The following POU6F2 variants were observed in gnomAD, a reference collection of about 807,000 sequenced individuals.
The protein encoded by POU6F2 is POU class 6 homeobox 2.
POU6F2 carries 31 observed loss-of-function variants against 71.3 expected under a neutral mutation model. The observed-to-expected ratio is 0.43, with a 90% CI of 0.33 to 0.59. The LOEUF (loss-of-function observed/expected upper bound fraction) is 0.59, where lower values mean the gene tolerates loss of function less well. Ranked by LOEUF, POU6F2 falls within the 20% of genes least tolerant of loss-of-function variation. POU6F2 has a pLI of 0.04. For synonymous variants in POU6F2, 347 were observed against 355.7 expected, an observed-to-expected ratio of 0.98 and a Z score of 0.27; for missense variants, 783 against 856.8, an observed-to-expected ratio of 0.91 and a Z score of 1.07.
chr7:39,405,851 C>T (rs1787414418), intron 5 of POU6F2, among the ~76,000 whole-genome samples: 1 of 152,156 alleles, frequency 6.6e-6, no homozygotes, highest in South Asian at 2.1e-4. Context: ...CTCTTTCTTC[C>T]TCCCTGTTTC....
chr7:39,041,518 A>G (rs1346937775), intron 1 of POU6F2, among the ~76,000 whole-genome samples: 2 of 151,932 alleles, frequency 1.3e-5, no homozygotes, highest in East Asian at 3.9e-4. Context: ...TTCTAATTTT[A>G]TAGGCAAAAT....
intron 2 of POU6F2, among the ~76,000 whole-genome samples, chr7:39,136,097 G>C (rs1264635545): frequency 6.6e-6 from 1 of 152,122 alleles, no homozygotes; most frequent in African/African-American, 2.4e-5. Context: ...AAGAATATTT[G>C]ACTAAATGGA....
chr7:39,450,329 CTG>C (rs1454827168), intron 7 of POU6F2, among the ~76,000 whole-genome samples: 1 of 152,144 alleles, frequency 6.6e-6, no homozygotes, highest in African/African-American at 2.4e-5. Context: ...TGCTACACCT[CTG>C]TGAGAATGAC....
intron 4 of POU6F2, among the ~76,000 whole-genome samples, chr7:39,271,327 A>G (rs1183833015): frequency 6.6e-6 from 1 of 152,100 alleles, no homozygotes. Context: ...AGCAACAGGG[A>G]CCAGATAACT....
chr7:39,373,590 C>A, intron 5 of POU6F2: 1 of 455,174 alleles, frequency 2.2e-6, no homozygotes, highest in East Asian at 7.0e-5. Context: ...GAACTGCCTA[C>A]CTAGTCTAGC....
At chr7:39,205,655 G>T (rs1562746039) in intron 3 of POU6F2, among the ~76,000 whole-genome samples, 2 of 152,138 alleles carry the variant, frequency 1.3e-5, no homozygotes, top group Non-Finnish European at 2.9e-5. Flanking sequence ...TATTTATTTT[G>T]CTCATTAGAA....
intron 5 of POU6F2, among the ~76,000 whole-genome samples, chr7:39,343,774 G>T (rs992851846): frequency 6.6e-6 from 1 of 152,246 alleles, no homozygotes; most frequent in South Asian, 2.1e-4. Flanking sequence ...TCCCTCATCC[G>T]TGTGGTCTGA....
rs546545347 is a variant in POU6F2 at position 39,310,403 on chromosome 7, G to A, written c.599-29239G>A. On this transcript the variant is annotated intron_variant, in intron 4 of 9. Transcript: ENST00000518318. ...ATATCTGTTTAAGTTTTCATTTTAC[G>A]AGACTCAGGAACACAAAGGAGATTG... Among the ~76,000 whole-genome samples, 126 of 152,192 alleles carry A rather than the reference G, an allele frequency of 8.3e-4. 1 individual carries two copies. The highest frequency in any genetic ancestry group is 1.6e-3 in the Non-Finnish European group (107 of 68,016).
chr7:39,249,071 A>G (rs1562762589), intron 4 of POU6F2, among the ~76,000 whole-genome samples: 1 of 152,182 alleles, frequency 6.6e-6, no homozygotes. Context: ...GCAGGTCTCC[A>G]TATTCCACCC....
At chr7:39,042,468 G>A (rs1191126441) in intron 1 of POU6F2, among the ~76,000 whole-genome samples, 1 of 152,012 alleles carries the variant, frequency 6.6e-6, no homozygotes, top group Non-Finnish European at 1.5e-5. Context: ...GATGTGCTGA[G>A]ATCCATGCCT....
chr7:39,169,334 A>G (rs1793170739), intron 2 of POU6F2, among the ~76,000 whole-genome samples: 1 of 152,174 alleles, frequency 6.6e-6, no homozygotes, highest in African/African-American at 2.4e-5. Context: ...TTTTAAAGCC[A>G]TTATGCTTTG....
chr7:39,433,905 A>C (rs1788168096), intron 7 of POU6F2, among the ~76,000 whole-genome samples: 1 of 152,220 alleles, frequency 6.6e-6, no homozygotes, highest in Non-Finnish European at 1.5e-5. Flanking sequence ...TTTTGTGATA[A>C]CCTACTGTAT....
chr7:39,413,056 G>A (rs1297185866), intron 6 of POU6F2, among the ~76,000 whole-genome samples: 3 of 151,112 alleles, frequency 2.0e-5, no homozygotes, highest in Non-Finnish European at 2.9e-5. Context: ...CGCCTGCCTC[G>A]GCCCCCCAAA....
chr7:39,307,650 A>G (rs1562784413), intron 4 of POU6F2, among the ~76,000 whole-genome samples: 1 of 152,212 alleles, frequency 6.6e-6, no homozygotes, highest in Non-Finnish European at 1.5e-5. Context: ...TCAAACAAAA[A>G]AAGTCCTCAA....
At position 39,397,754 on chromosome 7, in the gene POU6F2, C is replaced by T. The variant is rs564363564; in HGVS notation, c.973-8846C>T. On this transcript the variant is annotated intron_variant, in intron 5 of 9. Coordinates refer to ENST00000518318, the MANE Select transcript of POU6F2 (RefSeq NM_001370959.1). ...GTGATCCACCCGCCTGATCCACAAGCGTGAGCCACTGCAAGTAGCCTGTAA... is the reference window on the plus strand; with the variant it reads ...GTGATCCACCCGCCTGATCCACAAGTGTGAGCCACTGCAAGTAGCCTGTAA... 2.5e-4 allele frequency among the ~76,000 whole-genome samples: 37 copies of T among 147,818 alleles called. No homozygotes were observed. The South Asian group carries it at 3.6e-3, about 14-fold the overall frequency.
At chr7:39,037,435 C>T (rs927335152) in intron 1 of POU6F2, among the ~76,000 whole-genome samples, 1 of 152,002 alleles carries the variant, frequency 6.6e-6, no homozygotes. Context: ...ACAAACTGCT[C>T]ATGAGCCATT....
intron 6 of POU6F2, among the ~76,000 whole-genome samples, chr7:39,428,838 C>G (rs2237389): frequency 0.28 from 41,726 of 151,494 alleles, 6,065 homozygotes; most frequent in East Asian, 0.51. Flanking sequence ...AGCTGGAAAC[C>G]ATCATTCTGA....
At chr7:39,230,593 A>C (rs1794556279) in intron 4 of POU6F2, among the ~76,000 whole-genome samples, 1 of 152,190 alleles carries the variant, frequency 6.6e-6, no homozygotes, top group African/African-American at 2.4e-5. Context: ...GATTAACTGG[A>C]ACAACCTCAT....
intron 1 of POU6F2, among the ~76,000 whole-genome samples, chr7:39,061,432 G>A (rs1336889939): frequency 6.6e-6 from 1 of 152,124 alleles, no homozygotes; most frequent in Non-Finnish European, 1.5e-5. Context: ...AAAAACCCAT[G>A]TTAATAAACT....
Sources: allele counts gnomAD v4.1 joint callset (sites outside exome capture counted in the v4.1 genomes callset), GRCh38; gene constraint gnomAD v4.1.1; transcripts MANE v1.5; gene names NCBI Gene and HGNC (gene_info 2026-07-23, HGNC 2026-07-21).